NOC3L: variants seen among roughly 807,000 people sequenced by gnomAD.
The protein encoded by NOC3L is NOC3 like DNA replication regulator, also known as nucleolar complex protein 3 homolog.
A neutral mutation model predicts 102.5 loss-of-function variants in NOC3L; 85 were observed. That is an observed-to-expected ratio of 0.83 (90% CI 0.70 to 0.99). NOC3L has a LOEUF of 0.99. Ranked by LOEUF, NOC3L falls within the 50% of genes least tolerant of loss-of-function variation. The probability of loss-of-function intolerance (pLI) is 0.00; values close to 1 mark genes in which losing one functional copy is unlikely to be tolerated. For missense variants in NOC3L, 878 were observed against 914.9 expected (o/e 0.96, Z 0.52); for synonymous variants, 303 against 309.4 (o/e 0.98, Z 0.22).
chr10:94,316,752 A>G, the NOC3L span: 2 of 1,611,174 alleles, frequency 1.2e-6, no homozygotes, highest in African/African-American at 2.7e-5. Flanking sequence ...AAAACCCAGC[A>G]GGAAGTAAGT....
chr10:94,354,429 T>C (rs1036816604), intron 6 of NOC3L, among the ~76,000 whole-genome samples: 2 of 152,116 alleles, frequency 1.3e-5, no homozygotes, highest in East Asian at 1.9e-4. Context: ...ATAGTACTTA[T>C]CAGGGCCAAG....
At chr10:94,333,030 C>T (rs2054177603), downstream of NOC3L, among the ~76,000 whole-genome samples, 2 of 152,132 alleles carry the variant, frequency 1.3e-5, no homozygotes, top group African/African-American at 4.8e-5. Flanking sequence ...TGCTAAAAGA[C>T]TGACATACAC....
the NOC3L span, among the ~76,000 whole-genome samples, chr10:94,317,401 T>C: frequency 6.6e-6 from 1 of 152,216 alleles, no homozygotes; most frequent in South Asian, 2.1e-4. Flanking sequence ...TTTGTATGTG[T>C]GAAAAGACAT....
intron 3 of NOC3L, 94 bp from the exon 4 acceptor site, chr10:94,357,425 C>T: frequency 8.7e-7 from 1 of 1,145,312 alleles, no homozygotes; most frequent in Non-Finnish European, 1.2e-6. Context: ...AACCACCAGC[C>T]AACTTTCAAT....
At chr10:94,353,835 CACATGAATTAATCAGGAATT>C (rs1287560241) in intron 6 of NOC3L, among the ~76,000 whole-genome samples, 6 of 152,142 alleles carry the variant, frequency 3.9e-5, no homozygotes, top group African/African-American at 1.4e-4. Flanking sequence ...ATCAGTCATA[CACATGAATTAATCAGGAATT>C]ACATGTAATA....
In NOC3L at chr10:94,338,595, G is replaced by A. The variant is rs1163734327; in HGVS notation, c.2091+13C>T. On this transcript the variant is annotated intron_variant, in intron 18 of 20. Transcript: ENST00000371361. Reference sequence around the variant, plus strand: ...AACATCCCCAAAAAGAAAAAAACCAGGGCCACTCTTACCCGCAGAGCATGC... The same window carrying A: ...AACATCCCCAAAAAGAAAAAAACCAAGGCCACTCTTACCCGCAGAGCATGC... 6.7e-7 allele frequency: 1 copy of A among 1,501,550 alleles called. No individual in the cohort carries two copies. The highest frequency in any genetic ancestry group is 8.9e-7 in the Non-Finnish European group (1 of 1,119,202). 93.0% of individuals were successfully genotyped at this position (1,501,550 alleles called of 1,614,324 possible).
the NOC3L span, among the ~76,000 whole-genome samples, chr10:94,317,576 C>T: frequency 6.6e-6 from 1 of 152,060 alleles, no homozygotes; most frequent in African/African-American, 2.4e-5. Context: ...GAACTTCATA[C>T]AAAGTAAGAA....
Position 94,334,700 on chromosome 10 carries a change from A to C in NOC3L, c.2208T>G (p.Phe736Leu). ...TCATTTCTGCCATGCTATATGCCTC[A>C]AAAAGTTCAGTAGCAGATCTAAATC... Reference protein sequence around the residue: ...ELSRRSATELFEAYSMAEMTF... With the variant: ...ELSRRSATELLEAYSMAEMTF... Residue 736 changes from phenylalanine to leucine, a missense_variant, in exon 20 of 21, where the codon TTT becomes TTG. Coordinates refer to ENST00000371361, the MANE Select transcript of NOC3L (RefSeq NM_022451.11). 6.2e-7 allele frequency: 1 copy of C among 1,612,640 alleles called. No individual in the cohort carries two copies. Among genetic ancestry groups the C allele is most frequent in the Non-Finnish European group, 8.5e-7 (1 of 1,179,342 alleles).
chr10:94,337,107 T>C (rs546719124), intron 19 of NOC3L, among the ~76,000 whole-genome samples: 5 of 152,092 alleles, frequency 3.3e-5, no homozygotes, highest in African/African-American at 9.6e-5. Flanking sequence ...TTTTCACCTT[T>C]CTGTACTTGT....
chr10:94,345,052 G>T, intron 11 of NOC3L, 119 bp from the exon 12 acceptor site: 1 of 626,070 alleles, frequency 1.6e-6, no homozygotes, highest in Non-Finnish European at 2.7e-6. Context: ...GTCTATGAAT[G>T]CAAATATAAA....
intron 7 of NOC3L, 133 bp from the exon 8 acceptor site, chr10:94,352,536 T>C: frequency 3.1e-6 from 2 of 639,978 alleles, no homozygotes; most frequent in East Asian, 2.7e-5. Flanking sequence ...GCGGCAGTCG[T>C]TTAGGCCAGG....
chr10:94,319,670 C>A, the NOC3L span, among the ~76,000 whole-genome samples: 1 of 152,198 alleles, frequency 6.6e-6, no homozygotes, highest in East Asian at 1.9e-4. Context: ...AATCTATATA[C>A]AAACTACCCT....
the NOC3L span, chr10:94,316,618 A>G: frequency 6.2e-7 from 1 of 1,608,224 alleles, no homozygotes; most frequent in Non-Finnish European, 8.5e-7. Flanking sequence ...AATATTTTAT[A>G]TCTAAAGAAA....
At chr10:94,349,715 T>TA (rs2054391516) in intron 9 of NOC3L, among the ~76,000 whole-genome samples, 1 of 81,056 alleles carries the variant, frequency 1.2e-5, no homozygotes, top group South Asian at 4.8e-4. Context: ...AAGAATTTTG[T>TA]AGGGGGAAAA....
Position 94,344,872 on chromosome 10 carries a change from G to T in NOC3L, c.1451C>A (p.Thr484Asn). 6.2e-7 allele frequency: 1 copy of T among 1,608,312 alleles called. No homozygotes were observed. The highest frequency in any genetic ancestry group is 1.1e-5 in the South Asian group (1 of 89,690). The change falls in exon 12 of 21, where the codon ACT becomes AAT. Residue 484 changes from threonine to asparagine, a missense_variant. By Grantham distance (65) the Thr-to-Asn change is moderately conservative. Transcript: ENST00000371361. ...ELREAEASES[T>N]EKKLKLHTET... ...GCCTACCAGTTTAAGTTTTTTCTCA[G>T]TACTCTCTGAAGCTTCTGCCTCTCG... is the stretch of plus-strand genomic sequence containing the variant.
chr10:94,340,059 T>A, intron 16 of NOC3L, 139 bp from the exon 17 acceptor site: 1 of 780,462 alleles, frequency 1.3e-6, no homozygotes, highest in Admixed American at 2.8e-5. Context: ...AGTGCTATAC[T>A]GCTAAGGAGA....
At chr10:94,319,109 G>A in the NOC3L span, among the ~76,000 whole-genome samples, 3 of 152,174 alleles carry the variant, frequency 2.0e-5, no homozygotes, top group Non-Finnish European at 2.9e-5. Context: ...GCTTCCAAAA[G>A]GCTGGTAAAG....
intron 2 of NOC3L, among the ~76,000 whole-genome samples, chr10:94,360,544 T>C (rs907316762): frequency 2.0e-5 from 3 of 152,062 alleles, no homozygotes; most frequent in Non-Finnish European, 2.9e-5. Flanking sequence ...AGTAGAATGA[T>C]GGTTACCACT....
chr10:94,324,989 C>T, the NOC3L span: 1 of 1,614,182 alleles, frequency 6.2e-7, no homozygotes, highest in Non-Finnish European at 8.5e-7. Flanking sequence ...ACATCACCTT[C>T]TCAGCTCTTG....
Sources: gnomAD v4.1 joint callset for allele counts (sites outside exome capture counted in the v4.1 genomes callset) on GRCh38, gnomAD v4.1.1 for gene constraint, MANE v1.5 for transcripts, NCBI Gene and HGNC (gene_info 2026-07-23, HGNC 2026-07-21) for gene names.